Variants in HCFC2 observed in about 807,000 individuals in gnomAD.
HCFC2 encodes host cell factor C2, also known as host cell factor 2.
HCFC2 carries 18 observed loss-of-function variants against 89.2 expected under a neutral mutation model. The ratio of observed to expected loss-of-function variants is 0.20; its 90% CI spans 0.14 to 0.30. The LOEUF (loss-of-function observed/expected upper bound fraction) is 0.30, where lower values mean the gene tolerates loss of function less well. Among genes scored for constraint, HCFC2 ranks in the 10% least tolerant of loss-of-function variants. The probability of loss-of-function intolerance (pLI) is 1.00; values close to 1 mark genes in which losing one functional copy is unlikely to be tolerated. For missense variants in HCFC2, 578 were observed against 956.1 expected (o/e 0.60, Z 5.21); for synonymous variants, 308 against 335.7 (o/e 0.92, Z 0.90).
At chr12:104,072,831 A>T (rs1290514713) in intron 3 of HCFC2, among the ~76,000 whole-genome samples, 1 of 151,614 alleles carries the variant, frequency 6.6e-6, no homozygotes, top group East Asian at 2.0e-4. Context: ...TTTTTAGTAG[A>T]GACTGGGTTT....
In HCFC2 at chr12:104,064,845, G is replaced by A; in HGVS notation, c.163+122G>A. Reference sequence around the variant, plus strand: ...CGGTCACTGCTTCCTTGGGCGGGCGGCGGGGAGCGCGGCTCAGCCGGGCAG... The same window carrying A: ...CGGTCACTGCTTCCTTGGGCGGGCGACGGGGAGCGCGGCTCAGCCGGGCAG... On this transcript the variant is annotated intron_variant, in intron 1 of 14. Coordinates refer to ENST00000229330, the MANE Select transcript of HCFC2 (RefSeq NM_013320.3). The surrounding 1 kb of genome is among the most constrained non-coding windows in gnomAD (Gnocchi z 7.3). 1 of 907,590 alleles carries A rather than the reference G, an allele frequency of 1.1e-6. No individual in the cohort carries two copies. Among genetic ancestry groups the A allele is most frequent in the African/African-American group, 1.8e-5 (1 of 56,364 alleles). 56.2% of individuals were successfully genotyped at this position (907,590 alleles called of 1,614,324 possible). A position where few individuals can be genotyped will look rare whatever the true frequency, so the allele number is the denominator to read the frequency against.
intron 9 of HCFC2, among the ~76,000 whole-genome samples, chr12:104,092,777 AAAT>A (rs530841587): frequency 6.6e-6 from 1 of 152,214 alleles, no homozygotes; most frequent in Non-Finnish European, 1.5e-5. Context: ...TCCATCTCAA[AAAT>A]AATAATAGTA....
At chr12:104,088,859 G>A (rs1009816610) in intron 9 of HCFC2, among the ~76,000 whole-genome samples, 6 of 152,136 alleles carry the variant, frequency 3.9e-5, no homozygotes, top group African/African-American at 7.2e-5. Flanking sequence ...GTATGTGTGT[G>A]TATCACAAAT....
At chr12:104,101,202 G>A (rs1472281567) in intron 13 of HCFC2, among the ~76,000 whole-genome samples, 3 of 152,140 alleles carry the variant, frequency 2.0e-5, no homozygotes, top group Non-Finnish European at 4.4e-5. Context: ...ATGCTCTATA[G>A]GCTGAGCATG....
At chr12:104,080,418 A>C in intron 4 of HCFC2, 1 of 208,864 alleles carries the variant, frequency 4.8e-6, no homozygotes, top group Non-Finnish European at 9.6e-6. Flanking sequence ...AATGGTTGTT[A>C]TACTGTATTA....
intron 1 of HCFC2, among the ~76,000 whole-genome samples, chr12:104,065,513 G>T (rs1449692940): frequency 6.6e-6 from 1 of 152,182 alleles, no homozygotes; most frequent in Admixed American, 6.5e-5. Flanking sequence ...GGAATTTTGG[G>T]TCTACTTCAT....
rs2030002975 is a variant in HCFC2, at chr12:104,103,245, G to A, written c.2351G>A (p.Gly784Asp). The change falls in exon 15 of 15, where the codon GGT (glycine) becomes GAT (aspartate). Residue 784 changes from glycine to aspartate, a missense_variant. Around this residue, in one of 4 missense-constraint regions of HCFC2, gnomAD observed 140 missense variants for 266.4 expected, o/e 0.53. Transcript: ENST00000229330. ...GPATQVRWLQ[G>D]NNKKAPLN ...GCTACACAAGTTCGGTGGCTTCAAG[G>A]TAACAATAAGAAAGCACCTTTAAAT... is the stretch of plus-strand genomic sequence containing the variant. 3.7e-6 allele frequency: 6 copies of A among 1,612,678 alleles called. No individual in the cohort carries two copies. The highest frequency in any genetic ancestry group is 2.2e-5 in the South Asian group (2 of 90,990).
chr12:104,076,200 A>G (rs780415871), intron 3 of HCFC2, among the ~76,000 whole-genome samples: 2 of 152,158 alleles, frequency 1.3e-5, no homozygotes, highest in Admixed American at 6.5e-5. Context: ...CTCAGGCTGG[A>G]TAACTCCTAG....
chr12:104,065,010 G>A (rs1177286398), intron 1 of HCFC2: 2 of 333,716 alleles, frequency 6.0e-6, no homozygotes, highest in Non-Finnish European at 1.1e-5. Context: ...GGCGGACGCA[G>A]GCGACAGAAG....
At chr12:104,077,150 G>A (rs1203782793) in intron 3 of HCFC2, among the ~76,000 whole-genome samples, 2 of 151,884 alleles carry the variant, frequency 1.3e-5, no homozygotes, top group African/African-American at 4.8e-5. Context: ...TTTCTCCAAC[G>A]TGTACTAAAC....
In HCFC2 at chr12:104,104,041, C is replaced by T. The variant is rs187588902; in HGVS notation, c.*768C>T. ...TTTATCTTTTAGGTCCCTTTCAGCACTAAGGTTTTGTGTTTTTAGTAGAAG... is the reference window on the plus strand; with the variant it reads ...TTTATCTTTTAGGTCCCTTTCAGCATTAAGGTTTTGTGTTTTTAGTAGAAG... On this transcript the variant is annotated 3_prime_UTR_variant, in exon 15 of 15. Coordinates refer to ENST00000229330, the MANE Select transcript of HCFC2 (RefSeq NM_013320.3). The T allele has an allele frequency of 1.5e-3, 234 of 152,108 alleles. 2 individuals carry two copies. Among genetic ancestry groups the T allele is most frequent in the African/African-American group, 5.5e-3 (227 of 41,542 alleles). The allele number at this position is 152,108 out of a possible 1,614,324, so 9.4% of individuals were successfully genotyped here.
chr12:104,098,932 G>A (rs1360271725), intron 13 of HCFC2, among the ~76,000 whole-genome samples: 3 of 151,862 alleles, frequency 2.0e-5, no homozygotes, highest in Admixed American at 6.6e-5. Flanking sequence ...CCCGGGAGGT[G>A]GAGCTTGCAG....
chr12:104,101,873 A>T, intron 13 of HCFC2, 95 bp from the exon 14 acceptor site: 2 of 744,652 alleles, frequency 2.7e-6, no homozygotes, highest in Non-Finnish European at 4.0e-6. Context: ...TTTATTCTTT[A>T]AAAGTTTTTT....
chr12:104,072,934 G>A (rs1441885227), intron 3 of HCFC2, among the ~76,000 whole-genome samples: 3 of 151,360 alleles, frequency 2.0e-5, no homozygotes, highest in African/African-American at 4.9e-5. Flanking sequence ...GTGAGCCACC[G>A]CACCCGGCCG....
At chr12:104,076,956 A>G (rs1203385346) in intron 3 of HCFC2, among the ~76,000 whole-genome samples, 2 of 151,970 alleles carry the variant, frequency 1.3e-5, no homozygotes, top group Admixed American at 6.6e-5. Context: ...ACATTTGCAT[A>G]TGTATATGTA....
chr12:104,087,166 T>G, intron 8 of HCFC2, 152 bp downstream of exon 8: 1 of 651,128 alleles, frequency 1.5e-6, no homozygotes, highest in African/African-American at 1.8e-5. Flanking sequence ...ACCAGCCTGG[T>G]CAACATGGTA....
At chr12:104,099,617 T>TA (rs899908984) in intron 13 of HCFC2, among the ~76,000 whole-genome samples, 300 of 144,244 alleles carry the variant, frequency 2.1e-3, no homozygotes, top group Middle Eastern at 6.9e-3. Flanking sequence ...TCTCTAAATT[T>TA]AAAAAAAAAA....
intron 9 of HCFC2, among the ~76,000 whole-genome samples, chr12:104,089,618 G>A (rs1277579763): frequency 2.0e-5 from 3 of 152,184 alleles, no homozygotes; most frequent in Admixed American, 6.5e-5. Context: ...AATAATGAAA[G>A]ATGACAATTT....
At chr12:104,078,033 C>G (rs1465433957) in intron 3 of HCFC2, among the ~76,000 whole-genome samples, 1 of 152,304 alleles carries the variant, frequency 6.6e-6, no homozygotes, top group Admixed American at 6.5e-5. Flanking sequence ...GAGTCTCACT[C>G]TGTCTCCCAG....
Sources: gnomAD v4.1 joint callset for allele counts (sites outside exome capture counted in the v4.1 genomes callset) on GRCh38, gnomAD v4.1.1 for gene constraint, gnomAD v4.1.1 regional missense constraint, Gnocchi (gnomAD v3.1) non-coding constraint, MANE v1.5 for transcripts, NCBI Gene and HGNC (gene_info 2026-07-23, HGNC 2026-07-21) for gene names.